UBN1: variants seen among roughly 807,000 people sequenced by gnomAD.
UBN1 encodes the protein ubinuclein-1.
A neutral mutation model predicts 108.5 loss-of-function variants in UBN1; 17 were observed. The observed-to-expected ratio is 0.16, with a 90% CI of 0.11 to 0.24. UBN1 has a LOEUF of 0.24. Ranked by LOEUF, UBN1 falls within the 10% of genes least tolerant of loss-of-function variation. The pLI is 1.00. For missense variants in UBN1, 1,595 were observed against 1,394.4 expected, an observed-to-expected ratio of 1.14 and a Z score of -2.29; for synonymous variants, 726 against 564.2, an observed-to-expected ratio of 1.29 and a Z score of -4.07.
chr16:4,880,055 C>T (rs769445113), intron 17 of UBN1, 28 bp from the exon 18 acceptor site: 6 of 1,612,970 alleles, frequency 3.7e-6, no homozygotes, highest in Admixed American at 1.7e-5. Flanking sequence ...GAAAAACTTG[C>T]GTTCTAATTT....
rs192399379 is a variant in UBN1 at position 4,864,396 on chromosome 16, T to C, written c.1110+3294T>C. On this transcript the variant is annotated intron_variant, in intron 7 of 17. Coordinates refer to ENST00000262376, the MANE Select transcript of UBN1 (RefSeq NM_001079514.3). ...TACTTAAAACTTTAAAAAATGTCTT[T>C]GAAAACTTGTGTATGTTAAAGAGGT... Among the ~76,000 whole-genome samples, 502 of 152,338 alleles carry C rather than the reference T, an allele frequency of 3.3e-3. 10 individuals carry two copies. The highest frequency in any genetic ancestry group is 0.013 in the Admixed American group (201 of 15,306).
chr16:4,863,702 C>T (rs1053688567), intron 7 of UBN1, among the ~76,000 whole-genome samples: 6 of 152,276 alleles, frequency 3.9e-5, no homozygotes, highest in African/African-American at 1.4e-4. Flanking sequence ...TCACTGTCTG[C>T]AAAACACCCC....
At chr16:4,868,638 G>A (rs1216616519) in intron 7 of UBN1, among the ~76,000 whole-genome samples, 195 bp from the exon 8 acceptor site, 1 of 152,174 alleles carries the variant, frequency 6.6e-6, no homozygotes, top group Admixed American at 6.5e-5. Flanking sequence ...GCCCACAGAT[G>A]CTGCAGCAGC....
chr16:4,850,933 G>C (rs141092773), intron 1 of UBN1, among the ~76,000 whole-genome samples: 1 of 152,150 alleles, frequency 6.6e-6, no homozygotes, highest in African/African-American at 2.4e-5. Context: ...ATAAACATGA[G>C]CTTTAACTTT....
chr16:4,882,091 A>G lies in UBN1; in HGVS notation c.*1959A>G, dbSNP rs2088089907. Reference sequence around the variant, plus strand: ...CCTTGTTTATGCTTTATTTGTGGTAATGAAAGAGCGAATGACTGAACAGCC... The same window carrying G: ...CCTTGTTTATGCTTTATTTGTGGTAGTGAAAGAGCGAATGACTGAACAGCC... On this transcript the variant is annotated 3_prime_UTR_variant, in exon 18 of 18. Coordinates refer to ENST00000262376, the MANE Select transcript of UBN1 (RefSeq NM_001079514.3). 1.3e-5 allele frequency: 2 copies of G among 152,440 alleles called. No individual in the cohort carries two copies. The highest frequency in any genetic ancestry group is 4.8e-5 in the African/African-American group (2 of 41,370). The allele number at this position is 152,440 out of a possible 1,614,324, so 9.4% of individuals were successfully genotyped here.
chr16:4,869,874 A>G (rs2087531983), intron 8 of UBN1, among the ~76,000 whole-genome samples: 1 of 152,182 alleles, frequency 6.6e-6, no homozygotes, highest in Non-Finnish European at 1.5e-5. Flanking sequence ...GTCTCCTTTG[A>G]ACCCCAAGTA....
At chr16:4,878,511 G>A (rs182071584) in intron 17 of UBN1, among the ~76,000 whole-genome samples, 1 of 152,284 alleles carries the variant, frequency 6.6e-6, no homozygotes, top group Admixed American at 6.5e-5. Context: ...GACTAAATCT[G>A]TAAATCTCCA....
At chr16:4,870,665 C>T (rs752079119) in intron 10 of UBN1, 31 bp downstream of exon 10, 9 of 1,612,546 alleles carry the variant, frequency 5.6e-6, no homozygotes, top group Non-Finnish European at 7.6e-6. Context: ...GCAGGTGCAA[C>T]CCTCCCGTCT....
At chr16:4,851,344 G>A (rs1414034441) in intron 1 of UBN1, among the ~76,000 whole-genome samples, 1 of 152,154 alleles carries the variant, frequency 6.6e-6, no homozygotes, top group Non-Finnish European at 1.5e-5. Flanking sequence ...CAACTACTAG[G>A]GAGGCTGAGG....
At chr16:4,875,622 C>T (rs1018359577) in intron 15 of UBN1, among the ~76,000 whole-genome samples, 188 bp downstream of exon 15, 5 of 152,144 alleles carry the variant, frequency 3.3e-5, no homozygotes, top group Non-Finnish European at 7.4e-5. Context: ...GACAGGAAGC[C>T]CAGGATGGCC....
chr16:4,853,384 A>C (rs1180500182), intron 2 of UBN1, among the ~76,000 whole-genome samples: 6 of 152,190 alleles, frequency 3.9e-5, no homozygotes. Flanking sequence ...TAAATTTTAA[A>C]AACAATACAT....
chr16:4,857,352 A>T (rs1567896590), intron 2 of UBN1, among the ~76,000 whole-genome samples: 3 of 37,406 alleles, frequency 8.0e-5, no homozygotes, highest in Middle Eastern at 0.014. Context: ...CTCTTATCTC[A>T]AAAAAAAAAA....
intron 15 of UBN1, among the ~76,000 whole-genome samples, chr16:4,875,720 G>C (rs189145556): frequency 5.4e-4 from 83 of 152,302 alleles, no homozygotes; most frequent in Middle Eastern, 3.4e-3. Flanking sequence ...GTGTGGCACA[G>C]AATGAGCAAC....
intron 12 of UBN1, among the ~76,000 whole-genome samples, 187 bp downstream of exon 12, chr16:4,871,488 G>A (rs957338097): frequency 6.6e-6 from 1 of 151,952 alleles, no homozygotes; most frequent in Non-Finnish European, 1.5e-5. Flanking sequence ...TTCCCTGGAG[G>A]AAGGGAAGTT....
chr16:4,863,883 G>C (rs2087189740), intron 7 of UBN1, among the ~76,000 whole-genome samples: 1 of 152,110 alleles, frequency 6.6e-6, no homozygotes, highest in Admixed American at 6.5e-5. Context: ...AGAGGGGAAA[G>C]GTGGAAGCTG....
chr16:4,855,745 C>T (rs1022847190), intron 2 of UBN1, among the ~76,000 whole-genome samples: 1 of 151,894 alleles, frequency 6.6e-6, no homozygotes, highest in African/African-American at 2.4e-5. Context: ...ATGGCAAAAA[C>T]CCATCTCTAC....
rs749749973 is a variant in UBN1, at chr16:4,870,351, T to C, written c.1311+10T>C. 6.2e-6 allele frequency: 10 copies of C among 1,613,842 alleles called. No homozygotes were observed. Among genetic ancestry groups the C allele is most frequent in the Non-Finnish European group, 8.5e-6 (10 of 1,179,876 alleles). Reference sequence around the variant, plus strand: ...TCACCTCTATGAACAGGTGGGTGACTCTAGAGTGAAGCCCTTTGGCTTTGG... The same window carrying C: ...TCACCTCTATGAACAGGTGGGTGACCCTAGAGTGAAGCCCTTTGGCTTTGG... On this transcript the variant is annotated intron_variant, in intron 9 of 17. Coordinates refer to ENST00000262376, the MANE Select transcript of UBN1 (RefSeq NM_001079514.3).
chr16:4,872,019 G>C (rs2087666764), intron 12 of UBN1, among the ~76,000 whole-genome samples: 1 of 152,188 alleles, frequency 6.6e-6, no homozygotes, highest in Non-Finnish European at 1.5e-5. Context: ...TAAGTGCCAG[G>C]CTTCCATCTC....
rs377685440 is a variant in UBN1 at position 4,858,180 on chromosome 16, G to A, written c.336+104G>A. The A allele has an allele frequency of 2.6e-5, 21 of 815,080 alleles. No homozygotes were observed. The East Asian group carries it at 5.0e-4, about 20-fold the overall frequency. The allele number at this position is 815,080 out of a possible 1,614,324, so 50.5% of individuals were successfully genotyped here. On this transcript the variant is annotated intron_variant, in intron 3 of 17. Coordinates refer to ENST00000262376, the MANE Select transcript of UBN1 (RefSeq NM_001079514.3). Reference sequence around the variant, plus strand: ...TCATGTAATAAACACTGATCTGGAAGTAAGCCTTAAGCATGGAGAGAAGAG... The same window carrying A: ...TCATGTAATAAACACTGATCTGGAAATAAGCCTTAAGCATGGAGAGAAGAG...
Sources: gnomAD v4.1 joint callset for allele counts (sites outside exome capture counted in the v4.1 genomes callset) on GRCh38, gnomAD v4.1.1 for gene constraint, MANE v1.5 for transcripts, NCBI Gene and HGNC (gene_info 2026-07-23, HGNC 2026-07-21) for gene names.